ULK4: variants seen among roughly 807,000 people sequenced by gnomAD.
ULK4 encodes the protein inactive serine/threonine-protein kinase ULK4.
A neutral mutation model predicts 160.6 loss-of-function variants in ULK4; 133 were observed. That is an observed-to-expected ratio of 0.83 (90% CI 0.72 to 0.96). The LOEUF (loss-of-function observed/expected upper bound fraction) is 0.96, where lower values mean the gene tolerates loss of function less well. Among genes scored for constraint, ULK4 ranks in the 40% least tolerant of loss-of-function variants. The pLI is 0.00. For synonymous variants in ULK4, 534 were observed against 539.8 expected, an observed-to-expected ratio of 0.99 and a Z score of 0.15; for missense variants, 1,580 against 1,499.5, an observed-to-expected ratio of 1.05 and a Z score of -0.89.
At chr3:41,447,083 CAAAAAAAA>C (rs756911141) in intron 34 of ULK4, among the ~76,000 whole-genome samples, 2 of 53,674 alleles carry the variant, frequency 3.7e-5, no homozygotes, top group East Asian at 7.2e-4. Context: ...GACTCTGTCT[CAAAAAAAA>C]AAAAAAAAAA....
At chr3:41,464,262 T>C (rs1232001206) in intron 32 of ULK4, among the ~76,000 whole-genome samples, 1 of 152,146 alleles carries the variant, frequency 6.6e-6, no homozygotes, top group African/African-American at 2.4e-5. Flanking sequence ...TGCGAAATTA[T>C]CACAAAATTA....
chr3:41,374,122 T>G (rs2125786542), intron 35 of ULK4, among the ~76,000 whole-genome samples: 1 of 152,084 alleles, frequency 6.6e-6, no homozygotes, highest in South Asian at 2.1e-4. Flanking sequence ...CAAAAACAAG[T>G]TCTGAAATTG....
intron 2 of ULK4, among the ~76,000 whole-genome samples, chr3:41,941,727 G>A (rs1289018646): frequency 1.7e-5 from 2 of 114,752 alleles, no homozygotes; most frequent in Non-Finnish European, 3.3e-5. Flanking sequence ...CTGCACTCCA[G>A]CCTGAGTGAC....
At chr3:41,428,494 G>C (rs1411349155) in intron 34 of ULK4, among the ~76,000 whole-genome samples, 1 of 151,978 alleles carries the variant, frequency 6.6e-6, no homozygotes, top group Non-Finnish European at 1.5e-5. Context: ...AAAGCTGGAG[G>C]CATCACGCTA....
At chr3:41,516,911 C>A (rs1199630341) in intron 32 of ULK4, among the ~76,000 whole-genome samples, 2 of 152,152 alleles carry the variant, frequency 1.3e-5, no homozygotes, top group Non-Finnish European at 2.9e-5. Context: ...ACACCACATG[C>A]CTGTATCAAA....
rs146622334 is a variant in ULK4, at chr3:41,945,375, T to C, written c.139-7178A>G. 7.7e-3 allele frequency among the ~76,000 whole-genome samples: 1,174 copies of C among 152,254 alleles called. 9 individuals carry two copies. The highest frequency in any genetic ancestry group is 0.01 in the Non-Finnish European group (681 of 68,002). Reference sequence around the variant, plus strand: ...CCTAGAACTCTGGCTGCAAAGAGTCTGGGAATTGCAGTTTGTAGCTCCCCA... The same window carrying C: ...CCTAGAACTCTGGCTGCAAAGAGTCCGGGAATTGCAGTTTGTAGCTCCCCA... On this transcript the variant is annotated intron_variant, in intron 2 of 36. Coordinates refer to ENST00000301831, the MANE Select transcript of ULK4 (RefSeq NM_017886.4).
At chr3:41,770,709 C>T (rs1028667199) in intron 21 of ULK4, among the ~76,000 whole-genome samples, 10 of 151,952 alleles carry the variant, frequency 6.6e-5, no homozygotes, top group Non-Finnish European at 8.8e-5. Flanking sequence ...GACAGGGTCT[C>T]GCCATGTTGG....
intron 32 of ULK4, among the ~76,000 whole-genome samples, chr3:41,554,718 T>C (rs1345135075): frequency 1.3e-5 from 2 of 152,244 alleles, no homozygotes; most frequent in African/African-American, 4.8e-5. Context: ...ATTTGAAATG[T>C]TCCCAACACA....
intron 22 of ULK4, among the ~76,000 whole-genome samples, chr3:41,748,286 T>C (rs770500981): frequency 2.0e-5 from 3 of 151,186 alleles, no homozygotes; most frequent in African/African-American, 7.3e-5. Flanking sequence ...ATATATATTA[T>C]ATATATACAC....
At chr3:41,433,107 A>C (rs1292596288) in intron 34 of ULK4, among the ~76,000 whole-genome samples, 3 of 152,188 alleles carry the variant, frequency 2.0e-5, no homozygotes, top group African/African-American at 7.2e-5. Flanking sequence ...AAAAAGGATA[A>C]GCCTATTAAT....
intron 35 of ULK4, among the ~76,000 whole-genome samples, chr3:41,363,507 G>A (rs1261792240): frequency 6.6e-6 from 1 of 152,152 alleles, no homozygotes; most frequent in Non-Finnish European, 1.5e-5. Flanking sequence ...TCTGGTTCTT[G>A]CTGAGGCAAG....
intron 35 of ULK4, among the ~76,000 whole-genome samples, chr3:41,289,875 G>GTATGTA (rs1559506859): frequency 2.0e-5 from 3 of 151,490 alleles, no homozygotes; most frequent in African/African-American, 7.2e-5. Context: ...ATGTATGTAT[G>GTATGTA]TGTGTGTGTG....
At chr3:41,629,259 G>C (rs1164697079) in intron 30 of ULK4, among the ~76,000 whole-genome samples, 2 of 152,162 alleles carry the variant, frequency 1.3e-5, no homozygotes, top group African/African-American at 2.4e-5. Flanking sequence ...GGGAACAGCT[G>C]GGGGTTGTGA....
chr3:41,435,188 G>A (rs2083006486), intron 34 of ULK4, among the ~76,000 whole-genome samples: 1 of 152,190 alleles, frequency 6.6e-6, no homozygotes, highest in South Asian at 2.1e-4. Context: ...TCTGTAAAGT[G>A]GGTGGTTATC....
Position 41,654,132 on chromosome 3 carries a change from C to T in ULK4, c.3071+9475G>A, listed in dbSNP as rs190414201. 8.4e-4 allele frequency among the ~76,000 whole-genome samples: 128 copies of T among 152,286 alleles called. 1 individual carries two copies. The highest frequency in any genetic ancestry group is 3.0e-3 in the African/African-American group (123 of 41,556). On this transcript the variant is annotated intron_variant, in intron 30 of 36. Transcript: ENST00000301831. ...CTGGCTGGAGTCCAACAGACACAAA[C>T]TCAACAGGTTCACAAATCAAGAAAT... is the stretch of plus-strand genomic sequence containing the variant.
chr3:41,450,802 A>T (rs777994034), intron 34 of ULK4, among the ~76,000 whole-genome samples: 2 of 152,188 alleles, frequency 1.3e-5, no homozygotes, highest in African/African-American at 4.8e-5. Flanking sequence ...AATGTGTGTT[A>T]ATCTTTTCCA....
intron 32 of ULK4, among the ~76,000 whole-genome samples, chr3:41,504,996 G>C (rs985628340): frequency 3.3e-5 from 5 of 152,152 alleles, no homozygotes; most frequent in African/African-American, 9.7e-5. Flanking sequence ...TGAGGAAGAA[G>C]TTCAGACATG....
intron 32 of ULK4, among the ~76,000 whole-genome samples, chr3:41,558,829 T>C (rs1363036746): frequency 1.3e-5 from 2 of 151,992 alleles, no homozygotes; most frequent in Non-Finnish European, 2.9e-5. Flanking sequence ...TCCCAAGTCA[T>C]ATTTCTGTGA....
chr3:41,870,771 C>A (rs1168158416), intron 17 of ULK4, among the ~76,000 whole-genome samples: 1 of 152,150 alleles, frequency 6.6e-6, no homozygotes, highest in East Asian at 1.9e-4. Flanking sequence ...CTCATACAAT[C>A]CTTATGCACT....
Sources: gnomAD v4.1 joint callset for allele counts (sites outside exome capture counted in the v4.1 genomes callset) on GRCh38, gnomAD v4.1.1 for gene constraint, MANE v1.5 for transcripts, NCBI Gene and HGNC (gene_info 2026-07-23, HGNC 2026-07-21) for gene names.